The following ELOVL4 variants were observed in gnomAD, a reference collection of about 807,000 sequenced individuals.
The protein encoded by ELOVL4 is very long chain fatty acid elongase 4.
A neutral mutation model predicts 42.1 loss-of-function variants in ELOVL4; 18 were observed. That is an observed-to-expected ratio of 0.43 (90% CI 0.30 to 0.63). The LOEUF (loss-of-function observed/expected upper bound fraction) is 0.63. ELOVL4 is among the 30% of genes least tolerant of loss of function. The pLI is 0.15. For missense variants in ELOVL4, 299 were observed against 376.2 expected (o/e 0.79, Z 1.70); for synonymous variants, 117 against 127.0 (o/e 0.92, Z 0.53).
chr6:79,936,407 T>TTTTGTGTACTG (rs1161004147), intron 1 of ELOVL4, among the ~76,000 whole-genome samples: 32 of 152,292 alleles, frequency 2.1e-4, no homozygotes, highest in African/African-American at 7.2e-4. Flanking sequence ...AAAGGTTACC[T>TTTTGTGTACTG]ATTAGTATGT....
At chr6:79,940,823 T>C (rs1220045624) in intron 1 of ELOVL4, among the ~76,000 whole-genome samples, 1 of 152,200 alleles carries the variant, frequency 6.6e-6, no homozygotes, top group African/African-American at 2.4e-5. Context: ...TCTTTAATAT[T>C]ATTGCTACTG....
At chr6:79,945,992 C>T (rs181003772) in intron 1 of ELOVL4, among the ~76,000 whole-genome samples, 1 of 152,322 alleles carries the variant, frequency 6.6e-6, no homozygotes, top group African/African-American at 2.4e-5. Flanking sequence ...TTCCAGCATA[C>T]GTTTTTCCCA....
intron 5 of ELOVL4, among the ~76,000 whole-genome samples, chr6:79,919,115 G>A (rs569404221): frequency 4.5e-5 from 4 of 89,116 alleles, no homozygotes; most frequent in East Asian, 2.9e-4. Context: ...TTCATACTAC[G>A]TACTTTGTAG....
intron 1 of ELOVL4, among the ~76,000 whole-genome samples, chr6:79,938,066 C>G (rs898965535): frequency 7.9e-5 from 12 of 152,168 alleles, no homozygotes; most frequent in African/African-American, 2.9e-4. Flanking sequence ...AGAAAATGGC[C>G]TATTCATAAA....
chr6:79,926,020 C>T (rs1180156650), intron 2 of ELOVL4, among the ~76,000 whole-genome samples, 174 bp downstream of exon 2: 1 of 152,152 alleles, frequency 6.6e-6, no homozygotes, highest in Non-Finnish European at 1.5e-5. Flanking sequence ...AACAACTTTC[C>T]TATACCTCAT....
In ELOVL4 at chr6:79,916,576, C is replaced by G. The variant is rs371941167; in HGVS notation, c.*32G>C. 22 of 1,612,120 alleles carry G rather than the reference C, an allele frequency of 1.4e-5. No individual in the cohort carries two copies. The highest frequency in any genetic ancestry group is 1.8e-5 in the Non-Finnish European group (21 of 1,179,774). ...TTTATATGATATGGGAGTTTTTCCT[C>G]ACTGTCAACAACAGTTAAGGCCCAG... On this transcript the variant is annotated 3_prime_UTR_variant, in exon 6 of 6. Transcript: ENST00000369816.
At chr6:79,924,486 T>A (rs542890357) in intron 3 of ELOVL4, among the ~76,000 whole-genome samples, 2 of 152,302 alleles carry the variant, frequency 1.3e-5, no homozygotes, top group East Asian at 3.9e-4. Context: ...AAGTACTTTT[T>A]AAAAAAGCAT....
chr6:79,936,198 G>C (rs1774539706), intron 1 of ELOVL4, among the ~76,000 whole-genome samples: 1 of 152,022 alleles, frequency 6.6e-6, no homozygotes, highest in African/African-American at 2.4e-5. Context: ...TCTAACAATC[G>C]CTAAATATTG....
intron 1 of ELOVL4, among the ~76,000 whole-genome samples, chr6:79,931,424 C>A (rs570300229): frequency 1.3e-5 from 2 of 152,150 alleles, no homozygotes; most frequent in Non-Finnish European, 2.9e-5. Context: ...CTGTTGTAGG[C>A]ACTACTCAAT....
chr6:79,947,038 G>C, intron 1 of ELOVL4, 142 bp downstream of exon 1: 1 of 700,218 alleles, frequency 1.4e-6, no homozygotes, highest in Non-Finnish European at 2.5e-6. Flanking sequence ...CGCAGTGCCC[G>C]CGCCGGCCCC....
At chr6:79,939,780 T>C (rs1411262460) in intron 1 of ELOVL4, among the ~76,000 whole-genome samples, 1 of 152,080 alleles carries the variant, frequency 6.6e-6, no homozygotes, top group African/African-American at 2.4e-5. Context: ...GCTAGCATTA[T>C]AGGCATGAGC....
At chr6:79,925,063 A>C in intron 2 of ELOVL4, 31 bp from the exon 3 acceptor site, 1 of 1,417,116 alleles carries the variant, frequency 7.1e-7, no homozygotes, top group South Asian at 1.2e-5. Context: ...TTTGTAGTAA[A>C]GTTTTAGTAA....
intron 5 of ELOVL4, among the ~76,000 whole-genome samples, chr6:79,918,006 AC>A (rs1774189717): frequency 1.3e-5 from 2 of 152,118 alleles, no homozygotes; most frequent in Admixed American, 1.3e-4. Context: ...ACAAGGGTTA[AC>A]TTTTTATACA....
chr6:79,939,142 C>T (rs2127701853), intron 1 of ELOVL4, among the ~76,000 whole-genome samples: 1 of 152,204 alleles, frequency 6.6e-6, no homozygotes, highest in East Asian at 1.9e-4. Flanking sequence ...TTTAAGCCAA[C>T]AGCTATATAG....
chr6:79,947,546 C>G lies in ELOVL4; in HGVS notation c.-267G>C, dbSNP rs1474249534. On this transcript the variant is annotated 5_prime_UTR_variant, in exon 1 of 6. Coordinates refer to ENST00000369816, the MANE Select transcript of ELOVL4 (RefSeq NM_022726.4). ...CAGCCGCCAGCACAGTGCGCTGCAC[C>G]AGTCTGCAGCCTCGCGCAGCCGCCC... 1 of 474,166 alleles carries G rather than the reference C, an allele frequency of 2.1e-6. No individual in the cohort carries two copies. The allele number at this position is 474,166 out of a possible 1,614,324, so 29.4% of individuals were successfully genotyped here. A position where few individuals can be genotyped will look rare whatever the true frequency, so the allele number is the denominator to read the frequency against.
rs140089346 is a variant in ELOVL4 at position 79,945,140 on chromosome 6, C to T, written c.100+2040G>A. On this transcript the variant is annotated intron_variant, in intron 1 of 5. Transcript: ENST00000369816. ...AGTACAGCAGAACAGACTATATCCA[C>T]TAAGCCTCTCTGTTGGTTAAGAAAT... Among the ~76,000 whole-genome samples, 235 of 152,270 alleles carry T rather than the reference C, an allele frequency of 1.5e-3. 1 individual carries two copies. The highest frequency in any genetic ancestry group is 5.4e-3 in the African/African-American group (226 of 41,558).
rs186167410 is a variant in ELOVL4, at chr6:79,926,472, T to C, written c.101-91A>G. On this transcript the variant is annotated intron_variant, in intron 1 of 5. Transcript: ENST00000369816. ...AGGAATCAAGATGTTTCAACTTAATTTCCTAATTTGACTAAATACGGATCA... is the reference window on the plus strand; with the variant it reads ...AGGAATCAAGATGTTTCAACTTAATCTCCTAATTTGACTAAATACGGATCA... The C allele has an allele frequency of 1.3e-4, 167 of 1,321,576 alleles. No homozygotes were observed. In the Admixed American group the frequency reaches 3.1e-3, roughly 25 times the overall value. The allele number at this position is 1,321,576 out of a possible 1,614,324, so 81.9% of individuals were successfully genotyped here.
intron 1 of ELOVL4, among the ~76,000 whole-genome samples, chr6:79,931,698 C>G (rs1416592883): frequency 2.0e-5 from 3 of 151,794 alleles, no homozygotes; most frequent in Non-Finnish European, 4.4e-5. Flanking sequence ...AGACTAAAGA[C>G]TAAAGCCTGG....
At chr6:79,919,297 G>T in intron 5 of ELOVL4, 123 bp downstream of exon 5, 1 of 1,123,998 alleles carries the variant, frequency 8.9e-7, no homozygotes, top group Non-Finnish European at 1.3e-6. Flanking sequence ...CTGCGATATA[G>T]CTGGAGGATA....
Sources: allele counts gnomAD v4.1 joint callset (sites outside exome capture counted in the v4.1 genomes callset), GRCh38; gene constraint gnomAD v4.1.1; transcripts MANE v1.5; gene names NCBI Gene and HGNC (gene_info 2026-07-23, HGNC 2026-07-21).